Variants in SSH2 observed in about 807,000 individuals in gnomAD.
SSH2 encodes the protein slingshot protein phosphatase 2.
A neutral mutation model predicts 135.2 loss-of-function variants in SSH2; 37 were observed. That is an observed-to-expected ratio of 0.27 (90% CI 0.21 to 0.36). The LOEUF (loss-of-function observed/expected upper bound fraction) is 0.36. Ranked by LOEUF, SSH2 falls within the 10% of genes least tolerant of loss-of-function variation. SSH2 has a pLI of 1.00. For synonymous variants in SSH2, 628 were observed against 646.2 expected, an observed-to-expected ratio of 0.97 and a Z score of 0.43; for missense variants, 1,408 against 1,765.3, an observed-to-expected ratio of 0.80 and a Z score of 3.63.
At chr17:29,743,476 T>C (rs1206436237) in intron 3 of SSH2, among the ~76,000 whole-genome samples, 1 of 152,112 alleles carries the variant, frequency 6.6e-6, no homozygotes, top group African/African-American at 2.4e-5. Context: ...AAATGGGGCA[T>C]ATGGCCTTCC....
intron 14 of SSH2, chr17:29,643,142 G>A: frequency 7.1e-6 from 7 of 985,424 alleles, no homozygotes; most frequent in Non-Finnish European, 8.4e-6. Context: ...AGTCATAGGA[G>A]TCTGGAGATT....
At chr17:29,635,241 T>C (rs1440133412) in intron 15 of SSH2, among the ~76,000 whole-genome samples, 1 of 152,108 alleles carries the variant, frequency 6.6e-6, no homozygotes, top group Non-Finnish European at 1.5e-5. Context: ...TGGGAAGCAG[T>C]TGCTACTGTA....
chr17:29,754,974 G>A (rs755315917), intron 3 of SSH2, among the ~76,000 whole-genome samples: 20 of 152,150 alleles, frequency 1.3e-4, no homozygotes, highest in Non-Finnish European at 2.6e-4. Context: ...TATTTTAAAT[G>A]GTAGTCTTTG....
chr17:29,909,060 G>A (rs993820377), intron 1 of SSH2, among the ~76,000 whole-genome samples: 8 of 151,892 alleles, frequency 5.3e-5, no homozygotes, highest in African/African-American at 1.7e-4. Context: ...CTGGGTGACA[G>A]AGCAAGACTC....
intron 5 of SSH2, 79 bp from the exon 6 acceptor site, chr17:29,684,763 A>T (rs1188950274): frequency 7.3e-7 from 1 of 1,373,822 alleles, no homozygotes; most frequent in Non-Finnish European, 1.0e-6. Flanking sequence ...TTTCATCAGC[A>T]TCTTAAAGCA....
At chr17:29,797,602 G>A (rs931486524) in intron 2 of SSH2, among the ~76,000 whole-genome samples, 11 of 152,018 alleles carry the variant, frequency 7.2e-5, no homozygotes, top group African/African-American at 2.7e-4. Context: ...TGCCTATCAC[G>A]AACAAAGTTA....
At chr17:29,900,465 G>T (rs1422106399) in intron 1 of SSH2, among the ~76,000 whole-genome samples, 1 of 152,124 alleles carries the variant, frequency 6.6e-6, no homozygotes, top group Non-Finnish European at 1.5e-5. Context: ...ACAAGTGGGC[G>T]AAGGATATGA....
At chr17:29,765,786 G>A (rs951836485) in intron 3 of SSH2, among the ~76,000 whole-genome samples, 3 of 152,078 alleles carry the variant, frequency 2.0e-5, no homozygotes, top group Non-Finnish European at 4.4e-5. Flanking sequence ...TTGGGAGGCC[G>A]AGGCCGGTGG....
At chr17:29,826,860 C>T (rs1445872482) in intron 2 of SSH2, among the ~76,000 whole-genome samples, 1 of 152,096 alleles carries the variant, frequency 6.6e-6, no homozygotes, top group East Asian at 1.9e-4. Context: ...GGTAGAAAAG[C>T]AAGGCCGAGT....
intron 2 of SSH2, among the ~76,000 whole-genome samples, chr17:29,841,533 A>C (rs1446216455): frequency 6.6e-6 from 1 of 152,236 alleles, no homozygotes; most frequent in Non-Finnish European, 1.5e-5. Flanking sequence ...CACTGAATAG[A>C]AAGAATGTAA....
At chr17:29,819,074 A>C (rs563497153) in intron 2 of SSH2, among the ~76,000 whole-genome samples, 1 of 152,146 alleles carries the variant, frequency 6.6e-6, no homozygotes, top group Admixed American at 6.5e-5. Flanking sequence ...TAAAAATACA[A>C]AATTAGCTGG....
At chr17:29,925,422 C>T (rs915476298) in intron 1 of SSH2, 5 of 397,698 alleles carry the variant, frequency 1.3e-5, no homozygotes, top group Non-Finnish European at 2.2e-5. Flanking sequence ...ATATTGTAGA[C>T]TTGAAAATTG....
At chr17:29,878,577 AC>A (rs1209783819) in intron 1 of SSH2, among the ~76,000 whole-genome samples, 1 of 152,218 alleles carries the variant, frequency 6.6e-6, no homozygotes, top group Non-Finnish European at 1.5e-5. Flanking sequence ...TTTAAAAAAA[AC>A]AATTGGAGAA....
At chr17:29,650,435 G>A (rs1383105501) in intron 13 of SSH2, among the ~76,000 whole-genome samples, 3 of 152,046 alleles carry the variant, frequency 2.0e-5, no homozygotes, top group African/African-American at 7.3e-5. Context: ...GTGCTCAATG[G>A]AAATAGCCAA....
intron 1 of SSH2, among the ~76,000 whole-genome samples, chr17:29,890,909 C>G (rs975912687): frequency 6.6e-6 from 1 of 152,124 alleles, no homozygotes; most frequent in East Asian, 1.9e-4. Context: ...GCACACGCCA[C>G]CAGACCCAGC....
chr17:29,908,418 T>C (rs571764314), intron 1 of SSH2, among the ~76,000 whole-genome samples: 3 of 152,258 alleles, frequency 2.0e-5, no homozygotes, highest in Non-Finnish European at 4.4e-5. Flanking sequence ...TGAGCCATGA[T>C]TGTGCCATTG....
At chr17:29,830,076 T>C (rs1360281117) in intron 2 of SSH2, among the ~76,000 whole-genome samples, 2 of 152,112 alleles carry the variant, frequency 1.3e-5, no homozygotes, top group Non-Finnish European at 2.9e-5. Flanking sequence ...CCTGACCTGG[T>C]GACCCTTCCG....
chr17:29,741,611 CTTTTTTTTT>C, intron 3 of SSH2, among the ~76,000 whole-genome samples: 1 of 140,812 alleles, frequency 7.1e-6, no homozygotes, highest in East Asian at 2.1e-4. Flanking sequence ...AATCCCCCTC[CTTTTTTTTT>C]TTTTTTTTTT....
intron 3 of SSH2, among the ~76,000 whole-genome samples, chr17:29,722,792 G>A (rs1268174648): frequency 2.0e-5 from 3 of 152,192 alleles, no homozygotes; most frequent in African/African-American, 4.8e-5. Context: ...GATGGTTTGC[G>A]TAAGCTAAAT....
Sources: gnomAD v4.1 joint callset for allele counts (sites outside exome capture counted in the v4.1 genomes callset) on GRCh38, gnomAD v4.1.1 for gene constraint, MANE v1.5 for transcripts, NCBI Gene and HGNC (gene_info 2026-07-23, HGNC 2026-07-21) for gene names.